ATOSA: variants seen among roughly 807,000 people sequenced by gnomAD.
ATOSA encodes atos homolog A.
At chr15:52,597,548 T>C in the ATOSA span, among the ~76,000 whole-genome samples, 1 of 152,182 alleles carries the variant, frequency 6.6e-6, no homozygotes, top group Non-Finnish European at 1.5e-5. Context: ...TGTGACTACA[T>C]TTATATAAAA....
chr15:52,638,694 C>A, the ATOSA span, among the ~76,000 whole-genome samples: 3 of 57,116 alleles, frequency 5.3e-5, no homozygotes, highest in African/African-American at 1.9e-4. Flanking sequence ...TAGTGAGACT[C>A]TGCCAAAAAA....
chr15:52,708,257 G>A, the ATOSA span, among the ~76,000 whole-genome samples: 2 of 152,106 alleles, frequency 1.3e-5, no homozygotes, highest in Admixed American at 6.6e-5. Context: ...AGCAGAAAAC[G>A]GAGGCAGAAG....
At chr15:52,609,918 T>C in the ATOSA span, 15 of 1,610,676 alleles carry the variant, frequency 9.3e-6, no homozygotes, top group Admixed American at 1.7e-5. Flanking sequence ...AAGTTCTCAC[T>C]GATGTTTCTT....
chr15:52,639,922 T>TA, the ATOSA span, among the ~76,000 whole-genome samples: 1 of 151,816 alleles, frequency 6.6e-6, no homozygotes, highest in Non-Finnish European at 1.5e-5. Flanking sequence ...AGCTAATTTT[T>TA]TTTTTTTTGG....
chr15:52,673,828 G>C, the ATOSA span, among the ~76,000 whole-genome samples: 1 of 152,170 alleles, frequency 6.6e-6, no homozygotes, highest in East Asian at 1.9e-4. Context: ...AATTGTTTGA[G>C]GTTAACAGGG....
chr15:52,656,370 CATA>C, the ATOSA span: 1 of 152,062 alleles, frequency 6.6e-6, no homozygotes, highest in Admixed American at 6.6e-5. Flanking sequence ...TCCTAGCAAT[CATA>C]TTTGCTGCAA....
the ATOSA span, among the ~76,000 whole-genome samples, chr15:52,621,832 T>C: frequency 6.6e-6 from 1 of 151,410 alleles, no homozygotes; most frequent in Non-Finnish European, 1.5e-5. Context: ...AGCATGAGAA[T>C]ACACTAACAT....
the ATOSA span, among the ~76,000 whole-genome samples, chr15:52,697,110 T>C: frequency 1.3e-5 from 2 of 152,334 alleles, no homozygotes; most frequent in East Asian, 1.9e-4. Context: ...TTCTGCTTTA[T>C]TACAAGTCAT....
At chr15:52,704,425 C>G in the ATOSA span, among the ~76,000 whole-genome samples, 1 of 152,122 alleles carries the variant, frequency 6.6e-6, no homozygotes, top group African/African-American at 2.4e-5. Context: ...CTAGGCAATA[C>G]CATTCAGGAC....
At chr15:52,667,293 A>T in the ATOSA span, among the ~76,000 whole-genome samples, 1 of 152,220 alleles carries the variant, frequency 6.6e-6, no homozygotes, top group Admixed American at 6.5e-5. Context: ...TTTTTATCAT[A>T]TTCTTATGGC....
At chr15:52,689,163 C>T in the ATOSA span, among the ~76,000 whole-genome samples, 5 of 152,068 alleles carry the variant, frequency 3.3e-5, no homozygotes, top group Non-Finnish European at 5.9e-5. Context: ...ATCCAACATG[C>T]AGAGATTTTG....
the ATOSA span, among the ~76,000 whole-genome samples, chr15:52,699,711 T>C: frequency 6.6e-6 from 1 of 152,142 alleles, no homozygotes; most frequent in Non-Finnish European, 1.5e-5. Context: ...CCTCCAGCCT[T>C]ATCTCCCCAG....
the ATOSA span, among the ~76,000 whole-genome samples, chr15:52,588,550 T>C: frequency 6.6e-6 from 1 of 152,198 alleles, no homozygotes; most frequent in Non-Finnish European, 1.5e-5. Flanking sequence ...GCGATTCTTC[T>C]GTCTCAGCCT....
At chr15:52,664,328 G>C in the ATOSA span, among the ~76,000 whole-genome samples, 3 of 152,168 alleles carry the variant, frequency 2.0e-5, no homozygotes, top group African/African-American at 7.2e-5. Context: ...TTGGAAAAAG[G>C]AGATTTAGGG....
the ATOSA span, chr15:52,590,809 T>C: frequency 6.6e-6 from 1 of 152,230 alleles, no homozygotes; most frequent in Non-Finnish European, 1.5e-5. Context: ...ATACAGACTA[T>C]TTTTTGAAAA....
chr15:52,672,235 G>T, the ATOSA span, among the ~76,000 whole-genome samples: 1 of 147,638 alleles, frequency 6.8e-6, no homozygotes, highest in African/African-American at 2.5e-5. Flanking sequence ...TGTAGTCCCA[G>T]CTACTCTGGA....
the ATOSA span, chr15:52,648,883 A>G: frequency 7.9e-5 from 12 of 152,210 alleles, no homozygotes; most frequent in African/African-American, 2.4e-4. Context: ...TTCAAGTCCT[A>G]TGATGTCCAG....
At chr15:52,592,715 AT>A in the ATOSA span, among the ~76,000 whole-genome samples, 3 of 152,230 alleles carry the variant, frequency 2.0e-5, no homozygotes, top group African/African-American at 7.2e-5. Context: ...ATGTTTACAA[AT>A]TTGTGTTGGG....
chr15:52,605,392 T>C, the ATOSA span: 25 of 552,736 alleles, frequency 4.5e-5, no homozygotes, highest in South Asian at 4.0e-4. Context: ...ATATCCCTTA[T>C]CCAAAATACT....
Sources: gnomAD v4.1 joint callset for allele counts (sites outside exome capture counted in the v4.1 genomes callset) on GRCh38, gnomAD v4.1.1 for gene constraint, MANE v1.5 for transcripts, NCBI Gene and HGNC (gene_info 2026-07-23, HGNC 2026-07-21) for gene names.